CHCT1: variants seen among roughly 807,000 people sequenced by gnomAD.
The protein encoded by CHCT1 is CHD1 helical C-terminal domain containing 1, also known as CHD1 helical C-terminal domain containing protein 1.
chr17:60,422,432 T>TGG, the CHCT1 span: 1 of 1,480,334 alleles, frequency 6.8e-7, no homozygotes, highest in Non-Finnish European at 9.0e-7. Flanking sequence ...GGGAGCGGGG[T>TGG]GGGGGGCTGG....
chr17:60,423,313 C>A, the CHCT1 span, among the ~76,000 whole-genome samples: 1 of 151,916 alleles, frequency 6.6e-6, no homozygotes, highest in Admixed American at 6.6e-5. Flanking sequence ...CTGCCTCAGC[C>A]TCCTGAGTAG....
At chr17:60,425,838 C>T in the CHCT1 span, 37 of 1,551,752 alleles carry the variant, frequency 2.4e-5, no homozygotes, top group African/African-American at 3.3e-4. Context: ...GCTAGAGACT[C>T]GCTCATGCGC....
the CHCT1 span, among the ~76,000 whole-genome samples, chr17:60,428,787 G>A: frequency 0.016 from 2,392 of 151,718 alleles, 59 homozygotes; most frequent in African/African-American, 0.052. Flanking sequence ...GCACCAGGCC[G>A]AAAAATTTAT....
chr17:60,429,387 C>G, the CHCT1 span: 1 of 1,613,886 alleles, frequency 6.2e-7, no homozygotes, highest in Non-Finnish European at 8.5e-7. Context: ...TCGGATGCGC[C>G]GGAGAGGTCC....
At chr17:60,429,612 G>T in the CHCT1 span, 7 of 1,559,038 alleles carry the variant, frequency 4.5e-6, no homozygotes, top group South Asian at 6.9e-5. Context: ...TGTGAGTGGT[G>T]TCTGGGTGTT....
At chr17:60,421,833 C>A in the CHCT1 span, 1 of 984,150 alleles carries the variant, frequency 1.0e-6, no homozygotes, top group Non-Finnish European at 1.2e-6. Context: ...ACACCCGGCT[C>A]CCCGCCTGGT....
chr17:60,430,860 G>A, the CHCT1 span, among the ~76,000 whole-genome samples: 1 of 152,248 alleles, frequency 6.6e-6, no homozygotes, highest in Non-Finnish European at 1.5e-5. Flanking sequence ...CCTAGGAGAG[G>A]AGTAAGGAAG....
the CHCT1 span, among the ~76,000 whole-genome samples, chr17:60,430,727 C>G: frequency 2.6e-5 from 4 of 152,202 alleles, no homozygotes; most frequent in Non-Finnish European, 5.9e-5. Context: ...CTGATTCATC[C>G]GCCTCAGCTT....
the CHCT1 span, among the ~76,000 whole-genome samples, chr17:60,430,122 C>CTTT: frequency 1.6e-5 from 1 of 64,316 alleles, no homozygotes. Flanking sequence ...ACGCACCTGG[C>CTTT]TTTTTTTTTT....
At chr17:60,422,367 A>C in the CHCT1 span, 1 of 1,162,786 alleles carries the variant, frequency 8.6e-7, no homozygotes, top group East Asian at 3.2e-5. Context: ...TCCGTTCCCT[A>C]GTCCAGATCC....
At chr17:60,429,703 C>A in the CHCT1 span, 1 of 682,480 alleles carries the variant, frequency 1.5e-6, no homozygotes, top group Non-Finnish European at 2.3e-6. Flanking sequence ...ATCTTCTCTT[C>A]ATCCCGCATT....
At chr17:60,429,479 C>T in the CHCT1 span, 16 of 1,614,106 alleles carry the variant, frequency 9.9e-6, no homozygotes, top group South Asian at 5.5e-5. Flanking sequence ...CATGAAGGAG[C>T]GGCTGTCCAA....
the CHCT1 span, chr17:60,426,146 C>G: frequency 6.4e-7 from 1 of 1,550,990 alleles, no homozygotes; most frequent in Non-Finnish European, 8.7e-7. Context: ...CTCACCTCAC[C>G]TGTTGCCTCC....
chr17:60,429,569 T>C, the CHCT1 span: 1 of 1,612,664 alleles, frequency 6.2e-7, no homozygotes, highest in Non-Finnish European at 8.5e-7. Context: ...TAATGACCAT[T>C]TGGTGTTGGG....
At chr17:60,429,333 C>A in the CHCT1 span, 1 of 1,598,308 alleles carries the variant, frequency 6.3e-7, no homozygotes, top group Non-Finnish European at 8.6e-7. Context: ...CTTCTCAACA[C>A]TCTCCTTAAC....
the CHCT1 span, among the ~76,000 whole-genome samples, chr17:60,429,090 CA>C: frequency 1.3e-5 from 2 of 151,664 alleles, no homozygotes; most frequent in African/African-American, 4.8e-5. Context: ...CATTTCATTG[CA>C]AAAAAACAAT....
At chr17:60,424,943 G>A in the CHCT1 span, among the ~76,000 whole-genome samples, 1 of 152,042 alleles carries the variant, frequency 6.6e-6, no homozygotes, top group African/African-American at 2.4e-5. Flanking sequence ...CGAACATTAT[G>A]AAGCATTGCG....
At chr17:60,424,250 G>A in the CHCT1 span, among the ~76,000 whole-genome samples, 26 of 152,270 alleles carry the variant, frequency 1.7e-4, no homozygotes, top group African/African-American at 6.0e-4. Flanking sequence ...ATTTAGAGGG[G>A]ACACACATTC....
At chr17:60,427,705 G>A in the CHCT1 span, among the ~76,000 whole-genome samples, 1 of 152,060 alleles carries the variant, frequency 6.6e-6, no homozygotes, top group Non-Finnish European at 1.5e-5. Context: ...GAGCCATCGC[G>A]CCCAGCCTAC....
Sources: gnomAD v4.1 joint callset for allele counts (sites outside exome capture counted in the v4.1 genomes callset) on GRCh38, gnomAD v4.1.1 for gene constraint, MANE v1.5 for transcripts, NCBI Gene and HGNC (gene_info 2026-07-23, HGNC 2026-07-21) for gene names.